SSPN: variants seen among roughly 807,000 people sequenced by gnomAD.
The protein encoded by SSPN is sarcospan.
SSPN carries 15 observed loss-of-function variants against 19.1 expected under a neutral mutation model. The observed-to-expected ratio is 0.78, with a 90% CI of 0.52 to 1.21. The LOEUF (loss-of-function observed/expected upper bound fraction) is 1.21. Among genes scored for constraint, SSPN ranks in the 50% most tolerant of loss-of-function variants. SSPN has a pLI of 0.00. For missense variants in SSPN, 291 were observed against 314.0 expected, an observed-to-expected ratio of 0.93 and a Z score of 0.55; for synonymous variants, 147 against 140.3, an observed-to-expected ratio of 1.05 and a Z score of -0.34.
chr12:26,124,662 A>G (rs1454657920), intron 1 of SSPN: 5 of 1,613,062 alleles, frequency 3.1e-6, no homozygotes, highest in South Asian at 1.1e-5. Flanking sequence ...TTTCTGGAGA[A>G]GAAAAAAATC....
chr12:26,225,194 C>T (rs1480610277), intron 2 of SSPN, among the ~76,000 whole-genome samples: 1 of 149,026 alleles, frequency 6.7e-6, no homozygotes, highest in African/African-American at 2.5e-5. Flanking sequence ...TTTTTTTGTT[C>T]ACTACAATGA....
rs192126354 is a variant in SSPN at position 26,179,112 on chromosome 12, T to C, written c.-30-45181T>C. ...AGAGCTGACCTAGGCTATGGGTCAA[T>C]CAAGGTAGGCTTCCTGGAGGAAACT... On this transcript the variant is annotated intron_variant, in intron 1 of 2. Transcript: ENST00000538142. Among the ~76,000 whole-genome samples the C allele has an allele frequency of 5.8e-3, 882 of 152,210 alleles. 8 individuals carry two copies. The highest frequency in any genetic ancestry group is 0.02 in the African/African-American group (851 of 41,516).
chr12:26,156,174 C>T (rs1944554765), intron 1 of SSPN, among the ~76,000 whole-genome samples: 1 of 152,156 alleles, frequency 6.6e-6, no homozygotes, highest in African/African-American at 2.4e-5. Flanking sequence ...TCCTTTAGTT[C>T]ACACCAGAAC....
At chr12:26,125,113 G>A (rs1043494869) in intron 1 of SSPN, 8 of 436,746 alleles carry the variant, frequency 1.8e-5, no homozygotes, top group Non-Finnish European at 3.4e-5. Flanking sequence ...GGTCCAGCCC[G>A]GAGGGGGGCG....
chr12:26,158,152 TG>T (rs1944566739), intron 1 of SSPN, among the ~76,000 whole-genome samples: 1 of 152,212 alleles, frequency 6.6e-6, no homozygotes. Context: ...TGATCTTAAA[TG>T]CTAACTCCTA....
At position 26,145,503 on chromosome 12, in the gene SSPN, G is replaced by A. The variant is rs1052374999; in HGVS notation, c.-31+23351G>A. 1.2e-4 allele frequency among the ~76,000 whole-genome samples: 18 copies of A among 152,178 alleles called. No individual in the cohort carries two copies. The East Asian group carries it at 1.9e-3, about 16-fold the overall frequency. On this transcript the variant is annotated intron_variant, in intron 1 of 2. Coordinates refer to the SSPN transcript ENST00000538142. ...CAGGGCAGACAACACAGTGGTGTCC[G>A]CTATGCCTGGGACATTAGCATTGGT... is the stretch of plus-strand genomic sequence containing the variant.
At chr12:26,172,786 G>A (rs373722838) in intron 1 of SSPN, among the ~76,000 whole-genome samples, 5 of 148,720 alleles carry the variant, frequency 3.4e-5, no homozygotes, top group East Asian at 3.9e-4. Context: ...TTTTTGAAAC[G>A]GAGTCTTGCT....
At chr12:26,192,272 C>G (rs891406884), upstream of SSPN, among the ~76,000 whole-genome samples, 1 of 152,100 alleles carries the variant, frequency 6.6e-6, no homozygotes, top group Admixed American at 6.5e-5. Context: ...CAAGAGTATC[C>G]AAAAACATTT....
At chr12:26,178,082 T>C (rs1944695682) in intron 1 of SSPN, among the ~76,000 whole-genome samples, 1 of 152,200 alleles carries the variant, frequency 6.6e-6, no homozygotes, top group African/African-American at 2.4e-5. Flanking sequence ...GTTTTGATGC[T>C]CACTTAGTAG....
intron 1 of SSPN, among the ~76,000 whole-genome samples, chr12:26,223,990 G>A (rs571032601): frequency 1.2e-4 from 18 of 152,190 alleles, no homozygotes; most frequent in East Asian, 9.6e-4. Context: ...GGCTTTCACC[G>A]GATTGTAAAC....
intron 1 of SSPN, chr12:26,122,316 G>A: frequency 1.7e-6 from 2 of 1,172,754 alleles, no homozygotes; most frequent in African/African-American, 3.3e-5. Flanking sequence ...GGCGGCGGCT[G>A]CCGCGGCTGC....
At chr12:26,164,685 T>C (rs1247728751) in intron 1 of SSPN, among the ~76,000 whole-genome samples, 1 of 152,274 alleles carries the variant, frequency 6.6e-6, no homozygotes, top group Non-Finnish European at 1.5e-5. Flanking sequence ...ATTTGTATTC[T>C]TGGCTGACTT....
At chr12:26,173,618 T>C (rs1251958466) in intron 1 of SSPN, among the ~76,000 whole-genome samples, 2 of 152,190 alleles carry the variant, frequency 1.3e-5, no homozygotes, top group Non-Finnish European at 2.9e-5. Context: ...ACCATTTCTA[T>C]AGGGTTTCAG....
At chr12:26,207,662 C>T (rs1401069895) in intron 1 of SSPN, among the ~76,000 whole-genome samples, 1 of 152,036 alleles carries the variant, frequency 6.6e-6, no homozygotes, top group African/African-American at 2.4e-5. Context: ...ACACAGATAT[C>T]ATTCATTCAT....
Position 26,181,984 on chromosome 12 carries a change from G to A in SSPN, c.-30-42309G>A, listed in dbSNP as rs191556108. Among the ~76,000 whole-genome samples the A allele has an allele frequency of 2.7e-4, 41 of 152,240 alleles. 2 individuals are homozygous for A. In the East Asian group the frequency reaches 6.9e-3, roughly 26 times the overall value. ...ATTGCTTTTAAACTCTGTGTGACACGTTATTTTGAATAGTCTATATGGGAG... is the reference window on the plus strand; with the variant it reads ...ATTGCTTTTAAACTCTGTGTGACACATTATTTTGAATAGTCTATATGGGAG... On this transcript the variant is annotated intron_variant, in intron 1 of 2. Transcript: ENST00000538142.
At chr12:26,169,320 G>A (rs1944640544) in intron 1 of SSPN, among the ~76,000 whole-genome samples, 1 of 151,922 alleles carries the variant, frequency 6.6e-6, no homozygotes, top group South Asian at 2.1e-4. Flanking sequence ...ACTCATAATG[G>A]GGGATATTTT....
chr12:26,122,771 G>A, intron 1 of SSPN: 1 of 1,591,230 alleles, frequency 6.3e-7, no homozygotes, highest in Non-Finnish European at 8.5e-7. Flanking sequence ...GGTCCGGCCG[G>A]GCCTCGGCTT....
chr12:26,194,636 G>A (rs921822937), upstream of SSPN, among the ~76,000 whole-genome samples: 4 of 152,158 alleles, frequency 2.6e-5, no homozygotes, highest in East Asian at 1.9e-4. Context: ...CGCCCACCTC[G>A]GCCTCCCAAA....
intron 1 of SSPN, chr12:26,123,090 ACTT>A (rs1001655422): frequency 1.2e-6 from 2 of 1,605,694 alleles, no homozygotes; most frequent in Non-Finnish European, 1.7e-6. Flanking sequence ...GTATTGCAAG[ACTT>A]CTTTGGCGCA....
Sources: gnomAD v4.1 joint callset for allele counts (sites outside exome capture counted in the v4.1 genomes callset) on GRCh38, gnomAD v4.1.1 for gene constraint, MANE v1.5 for transcripts, NCBI Gene and HGNC (gene_info 2026-07-23, HGNC 2026-07-21) for gene names.